The following ARMH4 variants were observed in gnomAD, a reference collection of about 807,000 sequenced individuals.
ARMH4 encodes armadillo-like helical domain-containing protein 4.
A neutral mutation model predicts 61.9 loss-of-function variants in ARMH4; 49 were observed. The ratio of observed to expected loss-of-function variants is 0.79; its 90% confidence interval spans 0.63 to 1.00. ARMH4 has a LOEUF of 1.00. ARMH4 is among the 50% of genes least tolerant of loss of function. ARMH4 has a pLI of 0.00. For missense variants in ARMH4, 934 were observed against 930.0 expected (o/e 1.00, Z -0.06); for synonymous variants, 368 against 341.5 (o/e 1.08, Z -0.85).
intron 5 of ARMH4, among the ~76,000 whole-genome samples, chr14:58,068,195 C>G (rs745547467): frequency 2.0e-5 from 3 of 152,120 alleles, no homozygotes; most frequent in Non-Finnish European, 4.4e-5. Flanking sequence ...AATCAACTTT[C>G]CACGATGGGA....
In ARMH4 at chr14:58,001,168, T is replaced by C. The variant is rs1881971543; in HGVS notation, c.*3568A>G. 6.6e-6 allele frequency: 1 copy of C among 152,240 alleles called. No homozygotes were observed. The highest frequency in any genetic ancestry group is 1.5e-5 in the Non-Finnish European group (1 of 68,040). 9.4% of individuals were successfully genotyped at this position (152,240 alleles called of 1,614,324 possible). ...ATAATGTTCTCCATGTATATCCATA[T>C]TGTCACAATGACAGAATTTCCTTAT... On this transcript the variant is annotated 3_prime_UTR_variant, in exon 8 of 8. Transcript: ENST00000267485.
At chr14:58,073,534 C>T (rs934950940) in intron 5 of ARMH4, among the ~76,000 whole-genome samples, 33 of 152,290 alleles carry the variant, frequency 2.2e-4, no homozygotes, top group South Asian at 2.1e-4. Flanking sequence ...AACAAGCAAT[C>T]AACTGTTACT....
intron 6 of ARMH4, among the ~76,000 whole-genome samples, chr14:58,009,017 C>T (rs2141128981): frequency 6.6e-6 from 1 of 152,290 alleles, no homozygotes; most frequent in Admixed American, 6.5e-5. Context: ...TAACAAGGAT[C>T]ACCAACTTGG....
At chr14:58,089,218 G>A (rs1348942429) in intron 5 of ARMH4, among the ~76,000 whole-genome samples, 1 of 152,184 alleles carries the variant, frequency 6.6e-6, no homozygotes, top group East Asian at 1.9e-4. Context: ...AGCTTAACAT[G>A]TTATACATCA....
At chr14:58,010,299 G>A (rs1882358893) in intron 6 of ARMH4, among the ~76,000 whole-genome samples, 1 of 152,092 alleles carries the variant, frequency 6.6e-6, no homozygotes, top group Admixed American at 6.6e-5. Flanking sequence ...TCAAACTCCA[G>A]CATGTATCAG....
At chr14:58,112,898 A>G (rs1366837884) in intron 4 of ARMH4, among the ~76,000 whole-genome samples, 1 of 151,990 alleles carries the variant, frequency 6.6e-6, no homozygotes, top group Non-Finnish European at 1.5e-5. Context: ...TTTCCTTTAA[A>G]TCTGGATCTT....
intron 1 of ARMH4, among the ~76,000 whole-genome samples, chr14:58,151,314 G>C (rs1456840857): frequency 2.6e-5 from 4 of 152,160 alleles, no homozygotes; most frequent in African/African-American, 9.7e-5. Flanking sequence ...ATCTACACAA[G>C]TCAGATTCTG....
chr14:58,127,069 TG>T (rs1886918976), intron 4 of ARMH4, among the ~76,000 whole-genome samples: 1 of 152,186 alleles, frequency 6.6e-6, no homozygotes, highest in African/African-American at 2.4e-5. Flanking sequence ...CCCAAAGTGC[TG>T]GGATTACCCC....
intron 5 of ARMH4, among the ~76,000 whole-genome samples, chr14:58,030,814 A>G (rs551685094): frequency 6.6e-6 from 1 of 152,314 alleles, no homozygotes; most frequent in Admixed American, 6.5e-5. Context: ...CATATGTCAG[A>G]ATTTCCTTCC....
At chr14:58,029,421 A>G (rs911040331) in intron 5 of ARMH4, among the ~76,000 whole-genome samples, 2 of 152,010 alleles carry the variant, frequency 1.3e-5, no homozygotes, top group Non-Finnish European at 2.9e-5. Flanking sequence ...TTTAGTAGAG[A>G]CGGGGTTTCT....
chr14:58,117,397 G>C (rs1008638680), intron 4 of ARMH4, among the ~76,000 whole-genome samples: 3 of 152,138 alleles, frequency 2.0e-5, no homozygotes, highest in Non-Finnish European at 4.4e-5. Context: ...AGGTTGGTTA[G>C]GTTGATTATT....
chr14:58,005,227 G>A (rs113072776), intron 6 of ARMH4, 45 bp from the exon 7 acceptor site: 24 of 1,611,882 alleles, frequency 1.5e-5, no homozygotes, highest in African/African-American at 1.1e-4. Context: ...AACAGAGCGC[G>A]CCGCCCTGGG....
At chr14:58,030,628 C>A (rs1883195295) in intron 5 of ARMH4, among the ~76,000 whole-genome samples, 1 of 152,198 alleles carries the variant, frequency 6.6e-6, no homozygotes, top group Non-Finnish European at 1.5e-5. Flanking sequence ...TCTCCATTCT[C>A]CCCTCCTGCT....
chr14:58,107,980 C>A (rs891593628), intron 4 of ARMH4, among the ~76,000 whole-genome samples: 3 of 152,114 alleles, frequency 2.0e-5, no homozygotes, highest in Non-Finnish European at 2.9e-5. Context: ...ATGCCAATAA[C>A]AATCAAAAGC....
intron 5 of ARMH4, among the ~76,000 whole-genome samples, chr14:58,041,476 G>C (rs1008991373): frequency 2.0e-5 from 3 of 152,158 alleles, no homozygotes; most frequent in Non-Finnish European, 4.4e-5. Flanking sequence ...ACCGGTACCA[G>C]CCACTGCAAA....
At chr14:58,110,502 T>C (rs1886321163) in intron 4 of ARMH4, among the ~76,000 whole-genome samples, 1 of 152,172 alleles carries the variant, frequency 6.6e-6, no homozygotes, top group African/African-American at 2.4e-5. Flanking sequence ...TAATCCTTCA[T>C]CTTCACCCCA....
At position 58,150,873 on chromosome 14, in the gene ARMH4, G is replaced by A. The variant is rs947124120; in HGVS notation, c.-57+1202C>T. Among the ~76,000 whole-genome samples the A allele has an allele frequency of 4.6e-5, 7 of 152,332 alleles. No homozygotes were observed. In the East Asian group the frequency reaches 1.3e-3, roughly 29 times the overall value. ...TGTGTGTTTCAATAGATGCTACTGT[G>A]GGGTTCTACTGGCATACGTGCCGAA... On this transcript the variant is annotated intron_variant, in intron 1 of 7. Transcript: ENST00000267485.
chr14:58,070,607 A>C (rs1233531699), intron 5 of ARMH4, among the ~76,000 whole-genome samples: 1 of 152,230 alleles, frequency 6.6e-6, no homozygotes, highest in African/African-American at 2.4e-5. Context: ...ACTGTGTACA[A>C]TTAGGCCTTT....
intron 6 of ARMH4, among the ~76,000 whole-genome samples, chr14:58,009,314 A>G (rs1358160356): frequency 6.6e-6 from 1 of 152,126 alleles, no homozygotes; most frequent in East Asian, 1.9e-4. Context: ...TTTTAAAAAG[A>G]AAGGGGTGTC....
Sources: allele counts gnomAD v4.1 joint callset (sites outside exome capture counted in the v4.1 genomes callset), GRCh38; gene constraint gnomAD v4.1.1; transcripts MANE v1.5; gene names NCBI Gene and HGNC (gene_info 2026-07-23, HGNC 2026-07-21).